The following TC2N variants were observed in gnomAD, a reference collection of about 807,000 sequenced individuals.
TC2N encodes the protein tandem C2 domains, nuclear.
In TC2N, 51 loss-of-function variants were observed where a neutral mutation model predicts 61.9. The ratio of observed to expected loss-of-function variants is 0.82; its 90% CI spans 0.66 to 1.04. TC2N has a LOEUF of 1.04. TC2N is among the 50% of genes least tolerant of loss of function. TC2N has a pLI of 0.00. For synonymous variants in TC2N, 204 were observed against 192.6 expected (o/e 1.06, Z -0.49); for missense variants, 556 against 566.7 (o/e 0.98, Z 0.19).
intron 1 of TC2N, among the ~76,000 whole-genome samples, chr14:91,827,886 A>G (rs1450326647): frequency 1.3e-5 from 2 of 152,218 alleles, no homozygotes; most frequent in African/African-American, 4.8e-5. Context: ...TTACATGCCA[A>G]TCAATCCATG....
chr14:91,850,670 C>G (rs527321951), intron 1 of TC2N, among the ~76,000 whole-genome samples: 1 of 152,362 alleles, frequency 6.6e-6, no homozygotes, highest in South Asian at 2.1e-4. Flanking sequence ...CAGTGGCTTA[C>G]GCCTGTAATC....
intron 8 of TC2N, among the ~76,000 whole-genome samples, chr14:91,795,482 T>C (rs1885852182): frequency 6.6e-6 from 1 of 152,156 alleles, no homozygotes; most frequent in South Asian, 2.1e-4. Context: ...ACCACCACCC[T>C]GATCATTCAG....
chr14:91,857,819 G>T (rs1888511226), intron 1 of TC2N, among the ~76,000 whole-genome samples: 1 of 152,158 alleles, frequency 6.6e-6, no homozygotes, highest in African/African-American at 2.4e-5. Context: ...TTGGCATAAA[G>T]AACAGAGCCA....
intron 10 of TC2N, among the ~76,000 whole-genome samples, 180 bp downstream of exon 10, chr14:91,787,333 A>G (rs1885413759): frequency 6.6e-6 from 1 of 152,194 alleles, no homozygotes; most frequent in Non-Finnish European, 1.5e-5. Context: ...TCAAGAGACC[A>G]CTGTATTAAG....
chr14:91,859,989 G>C (rs1244405440), intron 1 of TC2N, among the ~76,000 whole-genome samples: 2 of 152,178 alleles, frequency 1.3e-5, no homozygotes, highest in African/African-American at 2.4e-5. Flanking sequence ...ATCCTATTCA[G>C]GAGTTTGAAT....
intron 1 of TC2N, among the ~76,000 whole-genome samples, chr14:91,832,675 T>C (rs1887834195): frequency 6.6e-6 from 1 of 152,064 alleles, no homozygotes; most frequent in African/African-American, 2.4e-5. Flanking sequence ...AGCCACTTTA[T>C]AAAACAATCC....
At chr14:91,841,633 A>C (rs1888164586) in intron 1 of TC2N, among the ~76,000 whole-genome samples, 2 of 152,196 alleles carry the variant, frequency 1.3e-5, no homozygotes, top group Admixed American at 1.3e-4. Flanking sequence ...GACCTCCAGA[A>C]GTGGCAGCTA....
chr14:91,863,519 G>A (rs139600609), intron 1 of TC2N, among the ~76,000 whole-genome samples: 2,753 of 152,272 alleles, frequency 0.018, 87 homozygotes, highest in African/African-American at 0.062. Flanking sequence ...CTAAAAAGGT[G>A]AGATAGCTTG....
chr14:91,847,209 G>A (rs1888288482), intron 1 of TC2N, among the ~76,000 whole-genome samples: 1 of 149,510 alleles, frequency 6.7e-6, no homozygotes, highest in Non-Finnish European at 1.5e-5. Context: ...AGTGAGCCGA[G>A]ATCACGCCAC....
At chr14:91,786,429 C>T (rs1885367274) in intron 10 of TC2N, among the ~76,000 whole-genome samples, 1 of 152,198 alleles carries the variant, frequency 6.6e-6, no homozygotes, top group African/African-American at 2.4e-5. Context: ...TGCTTTGGAA[C>T]AGCTTATATA....
Position 91,814,148 on chromosome 14 carries a change from G to A in TC2N, c.-56-323C>T, listed in dbSNP as rs539169156. On this transcript the variant is annotated intron_variant, in intron 1 of 11. Coordinates refer to ENST00000435962, the MANE Select transcript of TC2N (RefSeq NM_001128596.3). ...AGATATAGAGTAACAAGAGGGGTGTGTTTATGAGAGAGAGAGAGAGAGAAG... is the reference window on the plus strand; with the variant it reads ...AGATATAGAGTAACAAGAGGGGTGTATTTATGAGAGAGAGAGAGAGAGAAG... 1.7e-4 allele frequency among the ~76,000 whole-genome samples: 26 copies of A among 151,138 alleles called. No individual in the cohort carries two copies. The South Asian group carries it at 2.3e-3, about 13-fold the overall frequency.
chr14:91,825,509 C>G (rs1053938881), intron 1 of TC2N, among the ~76,000 whole-genome samples: 143 of 152,176 alleles, frequency 9.4e-4, no homozygotes, highest in African/African-American at 3.3e-3. Context: ...ATCTCTCTAT[C>G]ACTTTCAGGA....
chr14:91,831,354 C>T (rs1007781732), intron 1 of TC2N, among the ~76,000 whole-genome samples: 4 of 152,030 alleles, frequency 2.6e-5, no homozygotes, highest in African/African-American at 9.7e-5. Context: ...CAGGTGATTA[C>T]AGTAGATATT....
chr14:91,824,273 T>C (rs1490159534), intron 1 of TC2N, among the ~76,000 whole-genome samples: 2 of 152,194 alleles, frequency 1.3e-5, no homozygotes, highest in Non-Finnish European at 2.9e-5. Flanking sequence ...TCTGCTCCAA[T>C]ATTACAGTCA....
chr14:91,823,797 C>T (rs1887371506), intron 1 of TC2N, among the ~76,000 whole-genome samples: 1 of 152,106 alleles, frequency 6.6e-6, no homozygotes, highest in African/African-American at 2.4e-5. Flanking sequence ...AGTATACTGC[C>T]TATGTTCCAA....
chr14:91,834,612 T>C (rs1566785023), intron 1 of TC2N, among the ~76,000 whole-genome samples: 1 of 152,208 alleles, frequency 6.6e-6, no homozygotes, highest in African/African-American at 2.4e-5. Context: ...ACTTGGCTTC[T>C]ACCCTTACAC....
chr14:91,792,606 T>C (rs747261734), intron 8 of TC2N, 48 bp from the exon 9 acceptor site: 1 of 878,198 alleles, frequency 1.1e-6, no homozygotes, highest in East Asian at 2.7e-5. Context: ...AAAAGGCTTA[T>C]ATGCCAATAC....
intron 1 of TC2N, among the ~76,000 whole-genome samples, chr14:91,858,298 A>G (rs542458045): frequency 6.6e-6 from 1 of 151,886 alleles, no homozygotes; most frequent in African/African-American, 2.4e-5. Flanking sequence ...AGCCAAGAAT[A>G]TTTGTTGAGA....
At chr14:91,819,097 A>T (rs1887133225) in intron 1 of TC2N, among the ~76,000 whole-genome samples, 1 of 152,178 alleles carries the variant, frequency 6.6e-6, no homozygotes, top group East Asian at 1.9e-4. Context: ...CATCATTCAA[A>T]AACAGTGATG....
Sources: gnomAD v4.1 joint callset for allele counts (sites outside exome capture counted in the v4.1 genomes callset) on GRCh38, gnomAD v4.1.1 for gene constraint, MANE v1.5 for transcripts, NCBI Gene and HGNC (gene_info 2026-07-23, HGNC 2026-07-21) for gene names.